Variants in OTOG observed in about 807,000 individuals in gnomAD.
OTOG encodes the protein otogelin.
In OTOG, 296 loss-of-function variants were observed where a neutral mutation model predicts 313.8. That is an observed-to-expected ratio of 0.94 (90% CI 0.86 to 1.04). The LOEUF (loss-of-function observed/expected upper bound fraction) is 1.04. OTOG is among the 50% of genes least tolerant of loss of function. The pLI is 0.00. For synonymous variants in OTOG, 1,533 were observed against 1,554.9 expected, an observed-to-expected ratio of 0.99 and a Z score of 0.33; for missense variants, 3,948 against 3,840.1, an observed-to-expected ratio of 1.03 and a Z score of -0.74.
Position 17,557,114 on chromosome 11 carries a change from G to T in OTOG, c.660-4G>T. 6.5e-7 allele frequency: 1 copy of T among 1,549,200 alleles called. No individual in the cohort carries two copies. Among genetic ancestry groups the T allele is most frequent in the Non-Finnish European group, 8.7e-7 (1 of 1,146,976 alleles). On this transcript the variant is annotated splice_polypyrimidine_tract_variant and splice_region_variant and intron_variant, in intron 7 of 55. Transcript: ENST00000399397. ...ACCCTGAAGCTCTGGGATGTGCCCT[G>T]CAGGGTCCAACTGCCACATGTCATG...
At chr11:17,643,439 T>A in intron 53 of OTOG, 22 bp from the exon 54 acceptor site, 1 of 1,411,590 alleles carries the variant, frequency 7.1e-7, no homozygotes, top group Non-Finnish European at 9.3e-7. Context: ...CCTACCTACC[T>A]CCCCCGACTT....
At chr11:17,596,557 C>G (rs1038821247) in intron 29 of OTOG, among the ~76,000 whole-genome samples, 1 of 152,242 alleles carries the variant, frequency 6.6e-6, no homozygotes, top group African/African-American at 2.4e-5. Flanking sequence ...TTGGCCTTGG[C>G]TGTCTCTGGC....
At chr11:17,570,937 C>T (rs1473924009) in intron 17 of OTOG, among the ~76,000 whole-genome samples, 2 of 152,138 alleles carry the variant, frequency 1.3e-5, no homozygotes, top group African/African-American at 2.4e-5. Context: ...GTTTGCACGC[C>T]GTGAGCCTCC....
chr11:17,567,166 T>C (rs1029216461), intron 15 of OTOG, among the ~76,000 whole-genome samples: 12 of 152,258 alleles, frequency 7.9e-5, no homozygotes, highest in African/African-American at 2.9e-4. Flanking sequence ...CCTGAGACTT[T>C]TGACTAAAGG....
At position 17,578,464 on chromosome 11, in the gene OTOG, A is replaced by G. The variant is rs1852589350; in HGVS notation, c.2697A>G (p.Gln899=). The G allele has an allele frequency of 1.3e-6, 2 of 1,541,412 alleles. No individual in the cohort carries two copies. The highest frequency in any genetic ancestry group is 1.2e-5 in the South Asian group (1 of 84,048). The change falls in exon 23 of 56, where the codon CAA becomes CAG. Residue 899 remains glutamine (Q), a synonymous_variant. Transcript: ENST00000399397. ...ELSRERTCEQ[Q]LLNLSVSARG... is the part of the protein sequence containing the mutation. ...GCAGGGAGAGGACGTGTGAGCAGCAACTGCTGAACCTGAGCGTGTCAGCCC... is the reference window on the plus strand; with the variant it reads ...GCAGGGAGAGGACGTGTGAGCAGCAGCTGCTGAACCTGAGCGTGTCAGCCC...
intron 15 of OTOG, among the ~76,000 whole-genome samples, chr11:17,562,011 G>A (rs1852196952): frequency 6.9e-6 from 1 of 145,024 alleles, no homozygotes; most frequent in South Asian, 2.2e-4. Context: ...ACCTCAGTGG[G>A]TTTTTGGTTT....
Position 17,596,976 on chromosome 11 carries a change from G to A in OTOG, c.3651G>A (p.Val1217=). The A allele has an allele frequency of 6.4e-7, 1 of 1,550,498 alleles. No individual in the cohort carries two copies. The highest frequency in any genetic ancestry group is 8.7e-7 in the Non-Finnish European group (1 of 1,146,986). The stretch of plus-strand genomic sequence containing the variant: ...CCCACCAGTGTTGCCAGCATGGGGT[G>A]GCTGTTGACTGGCGAACCCCCCGCC... ...AYAHQCCQHG[V]AVDWRTPRLC... is the part of the protein sequence containing the mutation. Residue 1217 remains valine, a synonymous_variant, in exon 30 of 56, where the codon GTG becomes GTA. Transcript: ENST00000399397.
Position 17,606,091 on chromosome 11 carries a change from AAC to A in OTOG, c.4118_4119del (p.Thr1373ArgfsTer68). 6.5e-7 allele frequency: 1 copy of A among 1,549,598 alleles called. No individual in the cohort carries two copies. The highest frequency in any genetic ancestry group is 8.7e-7 in the Non-Finnish European group (1 of 1,146,624). ...GCGGTGCTGGCCCTGCGGCTGTACG[AAC>A]ACACAGAGGTGTTCCGCCGGGGCAC... On this transcript the variant is annotated frameshift_variant, in exon 33 of 56. Coordinates refer to ENST00000399397, the MANE Select transcript of OTOG (RefSeq NM_001292063.2). LOFTEE classifies it high-confidence loss of function.
chr11:17,581,441 C>T (rs1382180909), intron 23 of OTOG, among the ~76,000 whole-genome samples: 2 of 152,134 alleles, frequency 1.3e-5, no homozygotes, highest in East Asian at 3.9e-4. Context: ...AGACATTCGC[C>T]TCCCAGCTCA....
At chr11:17,622,625 C>T (rs999276041) in intron 39 of OTOG, among the ~76,000 whole-genome samples, 1 of 152,140 alleles carries the variant, frequency 6.6e-6, no homozygotes, top group East Asian at 1.9e-4. Flanking sequence ...TCTGTGCCTG[C>T]TTATTTCATT....
At chr11:17,619,630 T>C (rs965863475) in intron 39 of OTOG, among the ~76,000 whole-genome samples, 1 of 152,216 alleles carries the variant, frequency 6.6e-6, no homozygotes, top group African/African-American at 2.4e-5. Flanking sequence ...CAAATAATAT[T>C]ATATTGCATC....
At chr11:17,561,937 A>T in intron 15 of OTOG, 130 bp downstream of exon 15, 2 of 1,173,010 alleles carry the variant, frequency 1.7e-6, no homozygotes, top group Non-Finnish European at 1.2e-6. Flanking sequence ...CTCTCTGGGG[A>T]GAAGACTGGA....
At position 17,634,051 on chromosome 11, in the gene OTOG, T is replaced by A; in HGVS notation, c.7268-18T>A. 6.5e-7 allele frequency: 1 copy of A among 1,538,246 alleles called. No homozygotes were observed. On this transcript the variant is annotated intron_variant, in intron 43 of 55. Coordinates refer to ENST00000399397, the MANE Select transcript of OTOG (RefSeq NM_001292063.2). ...TCACCTTCCTCAGTCCCTCGCACCC[T>A]GCCATTCCCCTCTGCAGCCTGCACT...
In OTOG at chr11:17,634,959, C is replaced by A; in HGVS notation, c.7585+11C>A. On this transcript the variant is annotated intron_variant, in intron 45 of 55. Transcript: ENST00000399397. ...CCAGCTACAGCTGTGGTGAGAGGCC[C>A]GGGGTGGGGAGGGTGGGGGACGGAC... 2.1e-6 allele frequency: 1 copy of A among 483,162 alleles called. No homozygotes were observed. Among genetic ancestry groups the A allele is most frequent in the Non-Finnish European group, 3.5e-6 (1 of 283,174 alleles). 29.9% of individuals were successfully genotyped at this position (483,162 alleles called of 1,614,324 possible). A position where few individuals can be genotyped will look rare whatever the true frequency, so the allele number is the denominator to read the frequency against.
At chr11:17,590,657 G>A (rs922937537) in intron 24 of OTOG, among the ~76,000 whole-genome samples, 3 of 152,144 alleles carry the variant, frequency 2.0e-5, no homozygotes, top group Non-Finnish European at 4.4e-5. Context: ...TTCCTAGCAG[G>A]AGCTAACCTT....
At chr11:17,624,184 T>C (rs1444621537) in intron 39 of OTOG, among the ~76,000 whole-genome samples, 1 of 152,238 alleles carries the variant, frequency 6.6e-6, no homozygotes, top group Admixed American at 6.5e-5. Flanking sequence ...AATTTTTGCT[T>C]TTGTTGCAAT....
chr11:17,565,555 G>T (rs1173397254), intron 15 of OTOG, among the ~76,000 whole-genome samples: 1 of 152,164 alleles, frequency 6.6e-6, no homozygotes, highest in Non-Finnish European at 1.5e-5. Flanking sequence ...CACACTTACA[G>T]AGTGGGAAGT....
intron 54 of OTOG, 136 bp from the exon 55 acceptor site, chr11:17,645,428 G>A: frequency 1.3e-6 from 1 of 763,948 alleles, no homozygotes; most frequent in Non-Finnish European, 2.1e-6. Flanking sequence ...TGGATGGGGA[G>A]GGGCACTAAT....
chr11:17,602,102 C>T (rs906833985), intron 31 of OTOG, 108 bp from the exon 32 acceptor site: 170 of 1,259,388 alleles, frequency 1.3e-4, no homozygotes, highest in Non-Finnish European at 1.8e-4. Flanking sequence ...AAGAGTTCCT[C>T]CTTGGTAGCT....
Sources: gnomAD v4.1 joint callset for allele counts (sites outside exome capture counted in the v4.1 genomes callset) on GRCh38, gnomAD v4.1.1 for gene constraint, MANE v1.5 for transcripts, NCBI Gene and HGNC (gene_info 2026-07-23, HGNC 2026-07-21) for gene names.